MACROD2: variants seen among roughly 807,000 people sequenced by gnomAD.
MACROD2 encodes the protein ADP-ribose glycohydrolase MACROD2.
MACROD2 carries 36 observed loss-of-function variants against 70.4 expected under a neutral mutation model. The ratio of observed to expected loss-of-function variants is 0.51; its 90% confidence interval spans 0.39 to 0.68. The LOEUF is 0.68. Among genes scored for constraint, MACROD2 ranks in the 30% least tolerant of loss-of-function variants. The pLI is 0.00. For synonymous variants in MACROD2, 172 were observed against 178.8 expected (o/e 0.96, Z 0.30); for missense variants, 496 against 538.4 (o/e 0.92, Z 0.78).
At chr20:15,865,580 T>G (rs2064481216) in intron 9 of MACROD2, among the ~76,000 whole-genome samples, 1 of 152,186 alleles carries the variant, frequency 6.6e-6, no homozygotes, top group African/African-American at 2.4e-5. Context: ...TTTCTCTCTC[T>G]TGAGAATGGC....
intron 9 of MACROD2, among the ~76,000 whole-genome samples, chr20:15,869,254 G>T (rs1204526660): frequency 3.9e-5 from 5 of 126,782 alleles, no homozygotes; most frequent in Non-Finnish European, 8.7e-5. Context: ...GAGAGAGAGA[G>T]AGAGAGAGAG....
intron 5 of MACROD2, among the ~76,000 whole-genome samples, chr20:14,919,549 A>G (rs1482679943): frequency 1.3e-5 from 2 of 152,220 alleles, no homozygotes; most frequent in African/African-American, 4.8e-5. Context: ...AACCAGGAAC[A>G]GGGCCGTGTT....
intron 8 of MACROD2, among the ~76,000 whole-genome samples, chr20:15,771,180 GT>G (rs952599344): frequency 1.3e-5 from 2 of 151,826 alleles, no homozygotes; most frequent in South Asian, 4.2e-4. Flanking sequence ...TCTTGTGTTT[GT>G]TTTTTTCTTT....
chr20:15,831,614 T>C (rs2064057113), intron 8 of MACROD2, among the ~76,000 whole-genome samples: 1 of 152,130 alleles, frequency 6.6e-6, no homozygotes, highest in African/African-American at 2.4e-5. Context: ...AGCTTGGAGG[T>C]TCTGCTTGCC....
chr20:15,120,524 G>A (rs6135340), intron 5 of MACROD2, among the ~76,000 whole-genome samples: 134,434 of 152,202 alleles, frequency 0.88, 59,547 homozygotes, highest in East Asian at 1. Context: ...TGTGTGATGT[G>A]CAATATTTGT....
At chr20:15,631,474 C>T (rs557983522) in intron 8 of MACROD2, among the ~76,000 whole-genome samples, 21 of 152,176 alleles carry the variant, frequency 1.4e-4, no homozygotes, top group African/African-American at 4.8e-4. Context: ...GTTTTAACCC[C>T]CCAGAGATAT....
chr20:15,783,946 C>T (rs556488604), intron 8 of MACROD2, among the ~76,000 whole-genome samples: 3 of 152,120 alleles, frequency 2.0e-5, no homozygotes, highest in Admixed American at 6.5e-5. Context: ...GAAAGGGATG[C>T]GAGCTGGCTA....
chr20:14,286,893 A>G (rs1375800108), intron 3 of MACROD2, among the ~76,000 whole-genome samples: 1 of 152,208 alleles, frequency 6.6e-6, no homozygotes, highest in Admixed American at 6.5e-5. Context: ...AAATGTATAG[A>G]TTCAGATTTC....
intron 8 of MACROD2, among the ~76,000 whole-genome samples, chr20:15,826,261 A>G (rs1225561684): frequency 1.3e-5 from 2 of 152,148 alleles, no homozygotes; most frequent in Non-Finnish European, 2.9e-5. Flanking sequence ...ATTTCACATT[A>G]TTGTTGTTGT....
At chr20:14,680,394 C>T (rs1322969931) in intron 4 of MACROD2, among the ~76,000 whole-genome samples, 6 of 152,048 alleles carry the variant, frequency 3.9e-5, no homozygotes, top group South Asian at 2.1e-4. Context: ...TTGGGTTTTC[C>T]GCTGAAACTC....
At chr20:14,272,104 G>A (rs945413250) in intron 3 of MACROD2, among the ~76,000 whole-genome samples, 1 of 152,140 alleles carries the variant, frequency 6.6e-6, no homozygotes, top group Non-Finnish European at 1.5e-5. Context: ...CCCCAATCTA[G>A]TAAGGCAGGC....
At chr20:15,954,194 A>G (rs2065944610) in intron 12 of MACROD2, among the ~76,000 whole-genome samples, 1 of 152,146 alleles carries the variant, frequency 6.6e-6, no homozygotes, top group Non-Finnish European at 1.5e-5. Flanking sequence ...AGATCCCAGC[A>G]CACTCCTTCT....
intron 2 of MACROD2, among the ~76,000 whole-genome samples, chr20:14,033,139 T>C (rs1428816974): frequency 6.6e-6 from 1 of 151,422 alleles, no homozygotes; most frequent in Non-Finnish European, 1.5e-5. Context: ...TTTCTTTTTG[T>C]GTGGTAGGCG....
intron 12 of MACROD2, among the ~76,000 whole-genome samples, chr20:15,964,527 T>C (rs968104007): frequency 6.6e-6 from 1 of 152,164 alleles, no homozygotes; most frequent in Non-Finnish European, 1.5e-5. Flanking sequence ...GCCATCACCT[T>C]AGCAGTTAGA....
chr20:14,904,193 A>G (rs995117941), intron 5 of MACROD2, among the ~76,000 whole-genome samples: 1 of 152,176 alleles, frequency 6.6e-6, no homozygotes, highest in Non-Finnish European at 1.5e-5. Flanking sequence ...ATGAATTTGT[A>G]GAACTAGCAA....
chr20:15,048,349 C>A (rs545138447), intron 5 of MACROD2, among the ~76,000 whole-genome samples: 4 of 152,166 alleles, frequency 2.6e-5, no homozygotes, highest in African/African-American at 9.6e-5. Context: ...AGTTTTGTTA[C>A]CACTGCATAA....
chr20:14,357,564 G>GA (rs1244101917), intron 3 of MACROD2, among the ~76,000 whole-genome samples: 3 of 151,752 alleles, frequency 2.0e-5, no homozygotes, highest in Non-Finnish European at 2.9e-5. Context: ...AGAAAAGAAA[G>GA]AAAAAAAAGA....
At chr20:15,519,198 C>A (rs1376205267) in intron 8 of MACROD2, among the ~76,000 whole-genome samples, 1 of 152,106 alleles carries the variant, frequency 6.6e-6, no homozygotes, top group Non-Finnish European at 1.5e-5. Flanking sequence ...GCAAGCTCCG[C>A]CTCCTGGGTT....
chr20:14,582,204 A>G (rs1981074488), intron 4 of MACROD2, among the ~76,000 whole-genome samples: 1 of 152,152 alleles, frequency 6.6e-6, no homozygotes, highest in African/African-American at 2.4e-5. Context: ...AAAGAGAAAA[A>G]TCATCATAGG....
Sources: allele counts gnomAD v4.1 joint callset (sites outside exome capture counted in the v4.1 genomes callset), GRCh38; gene constraint gnomAD v4.1.1; transcripts MANE v1.5; gene names NCBI Gene and HGNC (gene_info 2026-07-23, HGNC 2026-07-21).